OR2K2: variants seen among roughly 807,000 people sequenced by gnomAD.
OR2K2 encodes the protein olfactory receptor 2K2.
Under a neutral mutation model 11.1 loss-of-function variants are expected in OR2K2, and 7 were observed. The observed-to-expected ratio is 0.63, with a 90% CI of 0.36 to 1.19. The LOEUF (loss-of-function observed/expected upper bound fraction) is 1.19, where lower values mean the gene tolerates loss of function less well. Among genes scored for constraint, OR2K2 ranks in the 50% most tolerant of loss-of-function variants. OR2K2 has a pLI of 0.02. For synonymous variants in OR2K2, 152 were observed against 150.8 expected (o/e 1.01, Z -0.06); for missense variants, 391 against 383.4 (o/e 1.02, Z -0.17).
At chr9:111,328,691 A>G (rs1215777038) in intron 1 of OR2K2, among the ~76,000 whole-genome samples, 2 of 152,230 alleles carry the variant, frequency 1.3e-5, no homozygotes, top group Non-Finnish European at 2.9e-5. Flanking sequence ...AAAAGAATAT[A>G]CATATTTAAT....
chr9:111,328,796 T>C (rs1008240554), intron 1 of OR2K2, among the ~76,000 whole-genome samples: 7 of 152,184 alleles, frequency 4.6e-5, no homozygotes, highest in Non-Finnish European at 7.3e-5. Flanking sequence ...TGAATGTACA[T>C]TGAAGAAGTT....
chr9:111,327,405 A>C lies in OR2K2; in HGVS notation c.*78T>G, dbSNP rs764764599. On this transcript the variant is annotated 3_prime_UTR_variant, in exon 2 of 2. Coordinates refer to ENST00000302681, the MANE Select transcript of OR2K2 (RefSeq NM_205859.2). ...AGAGATAAGATCCGATCAGAGTTCT[A>C]AGAGGTTGTATGTTGTCTCGAATTT... is the stretch of plus-strand genomic sequence containing the variant. 255 of 896,526 alleles carry C rather than the reference A, an allele frequency of 2.8e-4. No individual in the cohort carries two copies. The highest frequency in any genetic ancestry group is 4.3e-4 in the Non-Finnish European group (247 of 569,146). The allele number at this position is 896,526 out of a possible 1,614,324, so 55.5% of individuals were successfully genotyped here.
chr9:111,328,824 A>G (rs998605358), intron 1 of OR2K2, among the ~76,000 whole-genome samples: 2 of 152,238 alleles, frequency 1.3e-5, no homozygotes, highest in African/African-American at 4.8e-5. Context: ...TCAAATCAGA[A>G]AAGTAATCCA....
rs190540881 is a variant in OR2K2, at chr9:111,327,981, C to A, written c.453G>T (p.Thr151=). The change falls in exon 2 of 2, where the codon ACG becomes ACT. Residue 151 remains threonine (T), a synonymous_variant. Transcript: ENST00000302681. The part of the protein sequence containing the change: ...CARMATVSWV[T]GCLTALLETS... ...TTTCCAGCAGAGCGGTCAGGCAACC[C>A]GTCACCCAGGAGACCGTAGCCATCC... 1 of 1,614,098 alleles carries A rather than the reference C, an allele frequency of 6.2e-7. No homozygotes were observed. Among genetic ancestry groups the A allele is most frequent in the Admixed American group, 1.7e-5 (1 of 60,016 alleles).
rs140315356 is a variant in OR2K2, at chr9:111,327,499, G to T, written c.935C>A (p.Thr312Lys). The change falls in exon 2 of 2, where the codon ACA becomes AAA. Residue 312 changes from threonine (T) to lysine (K), a missense_variant. Transcript: ENST00000302681. ...GGGACCCAATCAGAGATGTTCGTGTGTTTGATGCAATGTTATTTTGCCCAG... is the reference window on the plus strand; with the variant it reads ...GGGACCCAATCAGAGATGTTCGTGTTTTTGATGCAATGTTATTTTGCCCAG... ...KLLGKITLHQ[T>K]HEHL is the part of the protein sequence containing the mutation. 6.2e-7 allele frequency: 1 copy of T among 1,604,866 alleles called. No individual in the cohort carries two copies. Among genetic ancestry groups the T allele is most frequent in the Non-Finnish European group, 8.5e-7 (1 of 1,175,386 alleles).
At chr9:111,328,669 AGC>A in intron 1 of OR2K2, 187 bp from the exon 2 acceptor site, 1 of 534,494 alleles carries the variant, frequency 1.9e-6, no homozygotes, top group Non-Finnish European at 3.3e-6. Flanking sequence ...TTTAGAAAAC[AGC>A]AAATTTGAAA....
Position 111,327,479 on chromosome 9 carries a change from C to A in OR2K2, c.*4G>T, listed in dbSNP as rs367688972. The A allele has an allele frequency of 1.3e-6, 2 of 1,574,984 alleles. No individual in the cohort carries two copies. Among genetic ancestry groups the A allele is most frequent in the Admixed American group, 1.8e-5 (1 of 55,744 alleles). On this transcript the variant is annotated 3_prime_UTR_variant, in exon 2 of 2. Transcript: ENST00000302681. ...ACATCTCTGGTAAAACCATAGGGAC[C>A]CAATCAGAGATGTTCGTGTGTTTGA...
At position 111,327,410 on chromosome 9, in the gene OR2K2, G is replaced by T. The variant is rs1011847513; in HGVS notation, c.*73C>A. ...TAAGATCCGATCAGAGTTCTAAGAG[G>T]TTGTATGTTGTCTCGAATTTCTCTG... On this transcript the variant is annotated 3_prime_UTR_variant, in exon 2 of 2. Transcript: ENST00000302681. 3 of 941,888 alleles carry T rather than the reference G, an allele frequency of 3.2e-6. No homozygotes were observed. Among genetic ancestry groups the T allele is most frequent in the Non-Finnish European group, 4.9e-6 (3 of 608,278 alleles). 58.3% of individuals were successfully genotyped at this position (941,888 alleles called of 1,614,324 possible).
chr9:111,329,494 A>G (rs1186151060), intron 1 of OR2K2, among the ~76,000 whole-genome samples: 1 of 152,216 alleles, frequency 6.6e-6, no homozygotes, highest in African/African-American at 2.4e-5. Context: ...TAGCCAGGCA[A>G]TATACGAAAA....
At position 111,328,250 on chromosome 9, in the gene OR2K2, A is replaced by G. The variant is rs1397819679; in HGVS notation, c.184T>C (p.Phe62Leu). The change falls in exon 2 of 2, where the codon TTC (phenylalanine) becomes CTC (leucine). Residue 62 changes from phenylalanine to leucine, a missense_variant. Phe to Leu is a conservative substitution (Grantham distance 22, BLOSUM62 0). Coordinates refer to ENST00000302681, the MANE Select transcript of OR2K2 (RefSeq NM_205859.2). ...TCCATGAAAGAGAGATTTCCAAGGA[A>G]TAAGTACATGGGGGTTTTAAGGCGT... ...DSRLKTPMYL[F>L]LGNLSFMDIC... is the part of the protein sequence containing the mutation. 1.9e-6 allele frequency: 3 copies of G among 1,614,068 alleles called. No individual in the cohort carries two copies. Among genetic ancestry groups the G allele is most frequent in the South Asian group, 1.1e-5 (1 of 91,086 alleles).
At chr9:111,330,035 A>G (rs1239915356) in intron 1 of OR2K2, 71 bp downstream of exon 1, 2 of 152,174 alleles carry the variant, frequency 1.3e-5, no homozygotes, top group African/African-American at 4.8e-5. Flanking sequence ...TACTTCAAAG[A>G]AGCTTAATTT....
At chr9:111,329,500 G>A (rs545047203) in intron 1 of OR2K2, among the ~76,000 whole-genome samples, 2 of 152,180 alleles carry the variant, frequency 1.3e-5, no homozygotes, top group South Asian at 2.1e-4. Context: ...GGCAATATAC[G>A]AAAACCCATA....
rs137871340 is a variant in OR2K2 at position 111,327,904 on chromosome 9, G to A, written c.530C>T (p.Thr177Met). The change falls in exon 2 of 2, where the codon ACG becomes ATG. Residue 177 changes from threonine to methionine, a missense_variant. Coordinates refer to ENST00000302681, the MANE Select transcript of OR2K2 (RefSeq NM_205859.2). ...PLCGNLIDHF[T>M]CEILAVLKLA... The stretch of plus-strand genomic sequence containing the variant: ...CTTTAGCACCGCCAGAATTTCACAC[G>A]TGAAGTGATCGATGAGATTCCCACA... 398 of 1,614,208 alleles carry A rather than the reference G, an allele frequency of 2.5e-4. 3 individuals are homozygous for A. In the East Asian group the frequency reaches 8.0e-3, roughly 33 times the overall value.
At chr9:111,329,072 C>T (rs557860183) in intron 1 of OR2K2, among the ~76,000 whole-genome samples, 1 of 152,080 alleles carries the variant, frequency 6.6e-6, no homozygotes, top group African/African-American at 2.4e-5. Context: ...AAAAATTAGC[C>T]AGATGTGGTG....
At position 111,327,452 on chromosome 9, in the gene OR2K2, G is replaced by T; in HGVS notation, c.*31C>A. On this transcript the variant is annotated 3_prime_UTR_variant, in exon 2 of 2. Coordinates refer to ENST00000302681, the MANE Select transcript of OR2K2 (RefSeq NM_205859.2). ...ATTTCTCTGATGAGCTCTGCCAGGG[G>T]CACATCTCTGGTAAAACCATAGGGA... The T allele has an allele frequency of 7.0e-7, 1 of 1,420,416 alleles. No individual in the cohort carries two copies. Among genetic ancestry groups the T allele is most frequent in the Non-Finnish European group, 9.7e-7 (1 of 1,031,940 alleles). 88.0% of individuals were successfully genotyped at this position (1,420,416 alleles called of 1,614,324 possible).
chr9:111,327,889 G>T lies in OR2K2; in HGVS notation c.545C>A (p.Ala182Glu). Reference protein sequence around the residue: ...LIDHFTCEILAVLKLACTSSL... With the variant: ...LIDHFTCEILEVLKLACTSSL... ...ACTTGTGCAAGCTAACTTTAGCACC[G>T]CCAGAATTTCACACGTGAAGTGATC... The change falls in exon 2 of 2, where the codon GCG (alanine) becomes GAG (glutamate). Residue 182 changes from alanine to glutamate, a missense_variant. Ala to Glu is a moderately radical substitution (Grantham distance 107). Transcript: ENST00000302681. 1 of 1,614,174 alleles carries T rather than the reference G, an allele frequency of 6.2e-7. No individual in the cohort carries two copies. The highest frequency in any genetic ancestry group is 8.5e-7 in the Non-Finnish European group (1 of 1,180,036).
rs980231517 is a variant in OR2K2, at chr9:111,327,331, T to G, written c.*152A>C. 1.7e-5 allele frequency: 9 copies of G among 530,428 alleles called. No individual in the cohort carries two copies. The Admixed American group carries it at 3.3e-4, about 20-fold the overall frequency. The allele number at this position is 530,428 out of a possible 1,614,324, so 32.9% of individuals were successfully genotyped here. On this transcript the variant is annotated 3_prime_UTR_variant, in exon 2 of 2. Coordinates refer to ENST00000302681, the MANE Select transcript of OR2K2 (RefSeq NM_205859.2). ...AAATGCAAATTGAAACCTACTATTA[T>G]TAATAGGCAATCACTCTGTGTATGC...
Position 111,327,774 on chromosome 9 carries a change from G to A in OR2K2, c.660C>T (p.Ile220=), listed in dbSNP as rs2098101660. 1 of 1,614,178 alleles carries A rather than the reference G, an allele frequency of 6.2e-7. No individual in the cohort carries two copies. The highest frequency in any genetic ancestry group is 8.5e-7 in the Non-Finnish European group (1 of 1,180,046). Residue 220 remains isoleucine, a synonymous_variant, in exon 2 of 2, where the codon ATC becomes ATT. Transcript: ENST00000302681. The part of the protein sequence containing the change: ...MLLVCISYIF[I]LSTILRITSA... ...AGGTGATTCTCAGAATAGTGGAAAG[G>A]ATGAAGATGTAAGAGATGCAAACTA...
Position 111,327,627 on chromosome 9 carries a change from T to C in OR2K2, c.807A>G (p.Ile269Met), listed in dbSNP as rs747616616. 6.2e-7 allele frequency: 1 copy of C among 1,614,224 alleles called. No homozygotes were observed. The highest frequency in any genetic ancestry group is 1.1e-5 in the South Asian group (1 of 91,086). Residue 269 changes from isoleucine (I) to methionine (M), a missense_variant, in exon 2 of 2, where the codon ATA becomes ATG. Physicochemically the swap from Ile to Met is conservative, Grantham distance 10. Coordinates refer to ENST00000302681, the MANE Select transcript of OR2K2 (RefSeq NM_205859.2). ...LKPSSSNAQKIDKIISLLYGV... is the reference protein window; with the variant it reads ...LKPSSSNAQKMDKIISLLYGV... ...CGTAAAGCAACGAGATGATTTTGTCTATTTTTTGTGCATTTGATGAAGAAG... is the reference window on the plus strand; with the variant it reads ...CGTAAAGCAACGAGATGATTTTGTCCATTTTTTGTGCATTTGATGAAGAAG...
Sources: gnomAD v4.1 joint callset for allele counts (sites outside exome capture counted in the v4.1 genomes callset) on GRCh38, gnomAD v4.1.1 for gene constraint, MANE v1.5 for transcripts, NCBI Gene and HGNC (gene_info 2026-07-23, HGNC 2026-07-21) for gene names.